The following LAMB4 variants were observed in gnomAD, a reference collection of about 807,000 sequenced individuals.
LAMB4 encodes laminin subunit beta-4.
In LAMB4, 196 loss-of-function variants were observed where a neutral mutation model predicts 199.2. That is an observed-to-expected ratio of 0.98 (90% CI 0.88 to 1.11). The LOEUF is 1.11. LAMB4 is among the 50% of genes least tolerant of loss of function. LAMB4 has a pLI of 0.00. For synonymous variants in LAMB4, 744 were observed against 770.6 expected (o/e 0.97, Z 0.57); for missense variants, 2,080 against 2,171.2 (o/e 0.96, Z 0.83).
intron 28 of LAMB4, 28 bp downstream of exon 28, chr7:108,047,880 T>C: frequency 1.3e-6 from 2 of 1,583,526 alleles, no homozygotes; most frequent in Non-Finnish European, 1.7e-6. Flanking sequence ...GCTATAACTT[T>C]ACAAATAAAG....
intron 8 of LAMB4, 69 bp from the exon 9 acceptor site, chr7:108,104,688 G>C (rs1563096799): frequency 1.3e-6 from 2 of 1,563,356 alleles, no homozygotes; most frequent in Non-Finnish European, 1.7e-6. Flanking sequence ...TCTTTAAATG[G>C]GAAATGAAAT....
chr7:108,075,557 T>G (rs1293465445), intron 17 of LAMB4: 1 of 152,220 alleles, frequency 6.6e-6, no homozygotes, highest in Non-Finnish European at 1.5e-5. Context: ...ACAAAGAAAT[T>G]TTATTTTTAT....
intron 3 of LAMB4, 99 bp downstream of exon 3, chr7:108,115,905 G>C: frequency 1.6e-6 from 2 of 1,278,162 alleles, no homozygotes; most frequent in Non-Finnish European, 2.2e-6. Context: ...TAAAAAGGAA[G>C]TTGTCTCCTT....
intron 14 of LAMB4, among the ~76,000 whole-genome samples, chr7:108,084,386 C>G (rs1018296782): frequency 1.8e-4 from 28 of 152,140 alleles, no homozygotes; most frequent in African/African-American, 6.3e-4. Context: ...CCCCAACCCC[C>G]TAAAGAAAGC....
chr7:108,125,059 C>G (rs2150703572), intron 1 of LAMB4, among the ~76,000 whole-genome samples: 1 of 152,334 alleles, frequency 6.6e-6, no homozygotes, highest in Admixed American at 6.5e-5. Flanking sequence ...AAGTGACTCA[C>G]TGAGAAACAG....
Position 108,104,553 on chromosome 7 carries a change from A to G in LAMB4, c.937T>C (p.Phe313Leu), listed in dbSNP as rs2037931930. The change falls in exon 9 of 34, where the codon TTC becomes CTC. Residue 313 changes from phenylalanine to leucine, a missense_variant. Transcript: ENST00000388781. Reference sequence around the variant, plus strand: ...GCTGGCCTCCAAGGAGCATCCTGGAAGAAGTCCTTGCATCTCTCACAGTTC... The same window carrying G: ...GCTGGCCTCCAAGGAGCATCCTGGAGGAAGTCCTTGCATCTCTCACAGTTC... The part of the protein sequence containing the change: ...GPNCERCKDF[F>L]QDAPWRPAAD... 3 of 1,614,220 alleles carry G rather than the reference A, an allele frequency of 1.9e-6. No individual in the cohort carries two copies. Among genetic ancestry groups the G allele is most frequent in the Non-Finnish European group, 2.5e-6 (3 of 1,180,020 alleles).
chr7:108,025,674 C>T (rs1478807976), intron 33 of LAMB4, among the ~76,000 whole-genome samples: 2 of 152,012 alleles, frequency 1.3e-5, no homozygotes, highest in Non-Finnish European at 2.9e-5. Flanking sequence ...GTGATCTGCC[C>T]GTCTCAGCCT....
chr7:108,034,265 G>T lies in LAMB4; in HGVS notation c.4761C>A (p.Asn1587Lys), dbSNP rs763845029. 3 of 1,613,864 alleles carry T rather than the reference G, an allele frequency of 1.9e-6. No individual in the cohort carries two copies. Among genetic ancestry groups the T allele is most frequent in the Non-Finnish European group, 2.5e-6 (3 of 1,179,812 alleles). ...TGGCAGTCAGCTGTGTAATGGTAGAGTTTGCCCGTCCTTGAGTGATTTGAG... is the reference window on the plus strand; with the variant it reads ...TGGCAGTCAGCTGTGTAATGGTAGATTTTGCCCGTCCTTGAGTGATTTGAG... Reference protein sequence around the residue: ...QQAQITQGRANSTITQLTANI... With the variant: ...QQAQITQGRAKSTITQLTANI... The change falls in exon 31 of 34, where the codon AAC (asparagine) becomes AAA (lysine). Residue 1587 changes from asparagine (N) to lysine (K), a missense_variant. Physicochemically the swap from Asn to Lys is moderately conservative, Grantham distance 94. Transcript: ENST00000388781.
chr7:108,015,641 T>G, the LAMB4 span, among the ~76,000 whole-genome samples: 15 of 152,296 alleles, frequency 9.8e-5, no homozygotes, highest in Admixed American at 8.5e-4. Flanking sequence ...TAAATTGTTT[T>G]GAATAAATAC....
chr7:108,066,729 G>C (rs2036357843), intron 19 of LAMB4, 129 bp from the exon 20 acceptor site: 3 of 615,120 alleles, frequency 4.9e-6, no homozygotes, highest in South Asian at 4.0e-5. Context: ...ACGTGCTTAG[G>C]ACACAGCATA....
intron 28 of LAMB4, 26 bp from the exon 29 acceptor site, chr7:108,043,922 A>G (rs2035527469): frequency 2.5e-6 from 4 of 1,581,788 alleles, no homozygotes; most frequent in Non-Finnish European, 3.4e-6. Flanking sequence ...CACAATGAAG[A>G]ATACTCGACA....
intron 12 of LAMB4, among the ~76,000 whole-genome samples, chr7:108,093,255 C>T (rs771716376): frequency 1.4e-4 from 21 of 151,988 alleles, no homozygotes; most frequent in South Asian, 4.2e-4. Context: ...TTAGTAGAGA[C>T]GGGGTTTTAC....
At chr7:108,047,554 G>A (rs1019515379) in intron 28 of LAMB4, among the ~76,000 whole-genome samples, 17 of 152,006 alleles carry the variant, frequency 1.1e-4, no homozygotes, top group African/African-American at 3.6e-4. Context: ...GACTGTTTAA[G>A]TTATGGGTAA....
the LAMB4 span, among the ~76,000 whole-genome samples, chr7:108,013,026 AT>A: frequency 1.3e-5 from 2 of 152,224 alleles, no homozygotes. Context: ...TCTAGAACAG[AT>A]GTGCCATAAG....
intron 12 of LAMB4, among the ~76,000 whole-genome samples, chr7:108,093,152 C>T (rs1436267209): frequency 5.9e-5 from 9 of 152,126 alleles, no homozygotes; most frequent in South Asian, 4.2e-4. Flanking sequence ...GGCCAACCTC[C>T]GCCTCCCAGG....
intron 25 of LAMB4, among the ~76,000 whole-genome samples, chr7:108,053,665 C>G (rs2035893856): frequency 6.6e-6 from 1 of 152,238 alleles, no homozygotes; most frequent in African/African-American, 2.4e-5. Context: ...GCTTTCTCCT[C>G]ACTCCAGACC....
chr7:108,111,798 A>G lies in LAMB4; in HGVS notation c.328+13T>C, dbSNP rs141118369. 464 of 1,609,084 alleles carry G rather than the reference A, an allele frequency of 2.9e-4. 5 individuals are homozygous for G. In the East Asian group the frequency reaches 0.01, roughly 35 times the overall value. On this transcript the variant is annotated intron_variant, in intron 4 of 33. Transcript: ENST00000388781. ...TGAAGAAATAAACAACTGGAAAGGA[A>G]CTTAAATCATACCATTTTCAGATTG...
intron 31 of LAMB4, 92 bp from the exon 32 acceptor site, chr7:108,031,071 G>A (rs2035012734): frequency 9.9e-7 from 1 of 1,012,190 alleles, no homozygotes. Flanking sequence ...AAATATGCTG[G>A]GTGTAAAGGA....
At chr7:108,092,675 A>C (rs1584735307) in intron 12 of LAMB4, among the ~76,000 whole-genome samples, 1 of 152,050 alleles carries the variant, frequency 6.6e-6, no homozygotes, top group Non-Finnish European at 1.5e-5. Context: ...GGAGGCCGAG[A>C]CGGGTGGATC....
Sources: gnomAD v4.1 joint callset for allele counts (sites outside exome capture counted in the v4.1 genomes callset) on GRCh38, gnomAD v4.1.1 for gene constraint, MANE v1.5 for transcripts, NCBI Gene and HGNC (gene_info 2026-07-23, HGNC 2026-07-21) for gene names.